Variants in PLA2G4A observed in about 807,000 individuals in gnomAD.
PLA2G4A encodes phospholipase A2 group IVA.
A neutral mutation model predicts 81.9 loss-of-function variants in PLA2G4A; 40 were observed. The ratio of observed to expected loss-of-function variants is 0.49; its 90% CI spans 0.38 to 0.64. The LOEUF (loss-of-function observed/expected upper bound fraction) is 0.64. Ranked by LOEUF, PLA2G4A falls within the 30% of genes least tolerant of loss-of-function variation. The pLI is 0.00. For missense variants in PLA2G4A, 715 were observed against 905.1 expected, an observed-to-expected ratio of 0.79 and a Z score of 2.69; for synonymous variants, 302 against 296.9, an observed-to-expected ratio of 1.02 and a Z score of -0.18.
chr1:186,950,826 C>T (rs1656533893), intron 13 of PLA2G4A, 98 bp downstream of exon 13: 1 of 743,526 alleles, frequency 1.3e-6, no homozygotes, highest in Non-Finnish European at 2.5e-6. Context: ...GTAATCTTCA[C>T]TTCAGACACG....
intron 5 of PLA2G4A, 52 bp from the exon 6 acceptor site, chr1:186,906,913 A>G (rs775020917): frequency 1.1e-6 from 1 of 911,376 alleles, no homozygotes; most frequent in South Asian, 1.4e-5. Flanking sequence ...TTTCCATGAT[A>G]TAAACACATA....
intron 5 of PLA2G4A, among the ~76,000 whole-genome samples, chr1:186,900,058 TA>T (rs1654481889): frequency 1.3e-5 from 2 of 152,208 alleles, no homozygotes; most frequent in African/African-American, 4.8e-5. Context: ...CTGCCATTGA[TA>T]AAATCTGGGT....
intron 1 of PLA2G4A, among the ~76,000 whole-genome samples, chr1:186,842,215 T>C (rs1652009655): frequency 6.6e-6 from 1 of 152,040 alleles, no homozygotes; most frequent in Non-Finnish European, 1.5e-5. Context: ...GCTAATTTTT[T>C]GTATTTTAGT....
chr1:186,957,905 A>G (rs1656811152), intron 14 of PLA2G4A, among the ~76,000 whole-genome samples: 1 of 152,190 alleles, frequency 6.6e-6, no homozygotes, highest in South Asian at 2.1e-4. Flanking sequence ...TCATTCCTCA[A>G]TCATCTATGT....
intron 7 of PLA2G4A, among the ~76,000 whole-genome samples, chr1:186,912,782 A>C (rs1188895909): frequency 2.5e-5 from 3 of 120,944 alleles, no homozygotes; most frequent in African/African-American, 1.2e-4. Context: ...ATATATGTAT[A>C]CTTATATATA....
intron 3 of PLA2G4A, among the ~76,000 whole-genome samples, chr1:186,882,872 T>C (rs933380591): frequency 6.6e-6 from 1 of 152,056 alleles, no homozygotes; most frequent in African/African-American, 2.4e-5. Context: ...TAGAGACAGA[T>C]TGGATATTTG....
rs144426869 is a variant in PLA2G4A, at chr1:186,913,940, A to G, written c.558+2551A>G. ...TCAAAAGCCAACCTACTGATGCTAT[A>G]GTGACTTGTGTTGTTATGGGAGCAG... On this transcript the variant is annotated intron_variant, in intron 7 of 17. Transcript: ENST00000367466. Among the ~76,000 whole-genome samples, 97 of 152,324 alleles carry G rather than the reference A, an allele frequency of 6.4e-4. 1 individual carries two copies. Among genetic ancestry groups the G allele is most frequent in the East Asian group, 4.2e-3 (22 of 5,186 alleles).
rs1189287266 is a variant in PLA2G4A, at chr1:186,962,020, T to C, written c.1580-3389T>C. 4.6e-5 allele frequency among the ~76,000 whole-genome samples: 7 copies of C among 152,318 alleles called. No homozygotes were observed. In the East Asian group the frequency reaches 1.3e-3, roughly 29 times the overall value. ...TCCTGAGATGCAAATCATCTCTCTG[T>C]CCAGGCTGCATATGCTACCTGCCCG... On this transcript the variant is annotated intron_variant, in intron 14 of 17. Transcript: ENST00000367466.
At chr1:186,902,610 A>G (rs1654585482) in intron 5 of PLA2G4A, among the ~76,000 whole-genome samples, 2 of 152,198 alleles carry the variant, frequency 1.3e-5, no homozygotes, top group African/African-American at 4.8e-5. Flanking sequence ...GAACGACAAA[A>G]GAAGTGAAAA....
At chr1:186,986,235 T>C (rs1488856042) in intron 17 of PLA2G4A, among the ~76,000 whole-genome samples, 1 of 151,998 alleles carries the variant, frequency 6.6e-6, no homozygotes, top group African/African-American at 2.4e-5. Flanking sequence ...ATATTGCTGA[T>C]TTTTTTTATG....
At chr1:186,870,406 T>C in intron 2 of PLA2G4A, 29 bp from the exon 3 acceptor site, 2 of 1,365,258 alleles carry the variant, frequency 1.5e-6, no homozygotes, top group Non-Finnish European at 2.1e-6. Context: ...TGGAAGCTTA[T>C]TTTAAATTTA....
At chr1:186,971,785 A>G (rs1657364987) in intron 15 of PLA2G4A, among the ~76,000 whole-genome samples, 1 of 152,046 alleles carries the variant, frequency 6.6e-6, no homozygotes, top group South Asian at 2.1e-4. Flanking sequence ...TAACATAATA[A>G]GATTTGAAAA....
chr1:186,934,531 T>G (rs1655873148), intron 8 of PLA2G4A, among the ~76,000 whole-genome samples: 1 of 149,642 alleles, frequency 6.7e-6, no homozygotes. Flanking sequence ...GAGAGATTAA[T>G]TAAAAGGATT....
At chr1:186,839,310 T>C (rs1001616906) in intron 1 of PLA2G4A, among the ~76,000 whole-genome samples, 1 of 152,116 alleles carries the variant, frequency 6.6e-6, no homozygotes, top group East Asian at 1.9e-4. Flanking sequence ...AGCTGCTTCT[T>C]TTTCCTCCTT....
intron 2 of PLA2G4A, among the ~76,000 whole-genome samples, chr1:186,866,138 G>A (rs550823091): frequency 7.4e-4 from 113 of 152,250 alleles, no homozygotes; most frequent in Admixed American, 6.5e-4. Flanking sequence ...CTATCCGTGA[G>A]ATATAACCAA....
intron 7 of PLA2G4A, among the ~76,000 whole-genome samples, chr1:186,912,757 T>TATTC (rs1363859102): frequency 7.0e-6 from 1 of 142,638 alleles, no homozygotes; most frequent in African/African-American, 2.7e-5. Context: ...TATGTATATA[T>TATTC]ATACATAAGT....
At chr1:186,950,783 CTCTG>C (rs928719412) in intron 13 of PLA2G4A, 55 bp downstream of exon 13, 12 of 913,670 alleles carry the variant, frequency 1.3e-5, no homozygotes, top group Non-Finnish European at 2.2e-5. Flanking sequence ...GATATGAACA[CTCTG>C]TCTGATTTTC....
At chr1:186,936,163 G>A (rs1303433288) in intron 8 of PLA2G4A, among the ~76,000 whole-genome samples, 5 of 151,894 alleles carry the variant, frequency 3.3e-5, no homozygotes, top group Non-Finnish European at 5.9e-5. Flanking sequence ...AATCAGAACA[G>A]CTCTGCATCT....
At chr1:186,851,784 T>C (rs1048996605) in intron 1 of PLA2G4A, among the ~76,000 whole-genome samples, 2 of 152,052 alleles carry the variant, frequency 1.3e-5, no homozygotes, top group Non-Finnish European at 2.9e-5. Flanking sequence ...ATATAAAATG[T>C]AGTTTCAAAA....
Sources: gnomAD v4.1 joint callset for allele counts (sites outside exome capture counted in the v4.1 genomes callset) on GRCh38, gnomAD v4.1.1 for gene constraint, MANE v1.5 for transcripts, NCBI Gene and HGNC (gene_info 2026-07-23, HGNC 2026-07-21) for gene names.